Variants in ZMYM1 observed in about 807,000 individuals in gnomAD.
The protein encoded by ZMYM1 is zinc finger MYM-type protein 1.
Under a neutral mutation model 60.0 loss-of-function variants are expected in ZMYM1, and 39 were observed. That is an observed-to-expected ratio of 0.65 (90% confidence interval 0.50 to 0.85). The LOEUF (loss-of-function observed/expected upper bound fraction) is 0.85, where lower values mean the gene tolerates loss of function less well. Among genes scored for constraint, ZMYM1 ranks in the 40% least tolerant of loss-of-function variants. The pLI is 0.00. For missense variants in ZMYM1, 1,171 were observed against 1,309.5 expected, an observed-to-expected ratio of 0.89 and a Z score of 1.63; for synonymous variants, 413 against 454.0, an observed-to-expected ratio of 0.91 and a Z score of 1.15.
chr1:35,062,639 C>T (rs536018740), intron 1 of ZMYM1, among the ~76,000 whole-genome samples: 3 of 152,172 alleles, frequency 2.0e-5, no homozygotes, highest in Admixed American at 1.3e-4. Flanking sequence ...CCATTTAAAG[C>T]CTTAAATTCT....
At chr1:35,091,046 A>G (rs1367607854) in intron 1 of ZMYM1, among the ~76,000 whole-genome samples, 3 of 151,240 alleles carry the variant, frequency 2.0e-5, no homozygotes, top group Non-Finnish European at 4.4e-5. Context: ...GATTTCTGGC[A>G]TGGGAAATTA....
upstream of ZMYM1, among the ~76,000 whole-genome samples, chr1:35,077,461 GAT>G (rs1280039969): frequency 7.4e-4 from 113 of 152,278 alleles, 1 homozygote; most frequent in South Asian, 0.017. Context: ...GCCTTTATAA[GAT>G]TAACAAATTA....
chr1:35,106,506 G>C (rs957577054), intron 6 of ZMYM1, among the ~76,000 whole-genome samples: 2 of 151,782 alleles, frequency 1.3e-5, no homozygotes, highest in African/African-American at 2.4e-5. Flanking sequence ...CTACTTGGGA[G>C]GCTGAGGCAG....
intron 1 of ZMYM1, among the ~76,000 whole-genome samples, chr1:35,073,132 T>G (rs1482470167): frequency 6.7e-6 from 1 of 149,736 alleles, no homozygotes; most frequent in African/African-American, 2.5e-5. Context: ...TGGTGGCACA[T>G]GCCTGTAGTC....
At chr1:35,072,479 A>G (rs1642084192) in intron 1 of ZMYM1, among the ~76,000 whole-genome samples, 1 of 143,980 alleles carries the variant, frequency 6.9e-6, no homozygotes, top group Non-Finnish European at 1.5e-5. Context: ...AAGTTTGTTA[A>G]TTTTTTTTTC....
At chr1:35,064,299 AAAAAAAAAAAAAAAC>A (rs1344661246) in intron 1 of ZMYM1, among the ~76,000 whole-genome samples, 1 of 122,580 alleles carries the variant, frequency 8.2e-6, no homozygotes, top group Admixed American at 7.4e-5. Context: ...TCTCAAAAAA[AAAAAAAAAAAAAAAC>A]AAAAAACACT....
At chr1:35,107,097 C>G (rs561425254) in intron 6 of ZMYM1, among the ~76,000 whole-genome samples, 48 of 150,618 alleles carry the variant, frequency 3.2e-4, no homozygotes, top group African/African-American at 1.2e-3. Flanking sequence ...GTGATCCGCC[C>G]GCCTCGGCCT....
chr1:35,079,113 G>A (rs1642232946), upstream of ZMYM1: 1 of 152,322 alleles, frequency 6.6e-6, no homozygotes, highest in African/African-American at 2.4e-5. Context: ...CTAGCACACA[G>A]CTAATAAGTA....
chr1:35,110,842 G>C (rs2148565918), intron 7 of ZMYM1, among the ~76,000 whole-genome samples: 1 of 152,240 alleles, frequency 6.6e-6, no homozygotes, highest in Non-Finnish European at 1.5e-5. Context: ...GCTGAGACAG[G>C]AGAATCATTT....
chr1:35,085,234 A>G (rs979784441), intron 1 of ZMYM1, among the ~76,000 whole-genome samples: 13 of 151,990 alleles, frequency 8.6e-5, no homozygotes, highest in Non-Finnish European at 1.9e-4. Flanking sequence ...TTTTTAGTAG[A>G]GACAGGGTTT....
intron 1 of ZMYM1, among the ~76,000 whole-genome samples, chr1:35,064,229 C>T (rs1255716440): frequency 4.5e-5 from 6 of 134,822 alleles, no homozygotes; most frequent in Admixed American, 1.7e-4. Flanking sequence ...GAGGCTGAGG[C>T]GGGAGAATTG....
chr1:35,060,828 T>C (rs967046210), intron 1 of ZMYM1, among the ~76,000 whole-genome samples: 9 of 152,170 alleles, frequency 5.9e-5, no homozygotes, highest in African/African-American at 2.2e-4. Flanking sequence ...CCCAGCCCTA[T>C]GCCTGACTGT....
chr1:35,090,231 G>C (rs991447714), intron 1 of ZMYM1, among the ~76,000 whole-genome samples: 2 of 151,924 alleles, frequency 1.3e-5, no homozygotes, highest in African/African-American at 4.8e-5. Flanking sequence ...TAAGGATCTA[G>C]GAGACAGGAA....
chr1:35,060,479 G>A lies in ZMYM1; in HGVS notation c.-301+554G>A, dbSNP rs142991857. Among the ~76,000 whole-genome samples the A allele has an allele frequency of 3.8e-3, 577 of 152,162 alleles. 1 individual carries two copies. Among genetic ancestry groups the A allele is most frequent in the Admixed American group, 6.4e-3 (98 of 15,264 alleles). Reference sequence around the variant, plus strand: ...CCGGCTGGAAAAAATCTATTAACAAGAATAGAGGAGGGATTGATTAACTTG... The same window carrying A: ...CCGGCTGGAAAAAATCTATTAACAAAAATAGAGGAGGGATTGATTAACTTG... On this transcript the variant is annotated intron_variant, in intron 1 of 10. Coordinates refer to the ZMYM1 transcript ENST00000417119.
In ZMYM1 at chr1:35,114,963, A is replaced by G; in HGVS notation, c.3133A>G (p.Ile1045Val). The G allele has an allele frequency of 6.2e-7, 1 of 1,614,102 alleles. No homozygotes were observed. Among genetic ancestry groups the G allele is most frequent in the East Asian group, 2.2e-5 (1 of 44,870 alleles). Residue 1045 changes from isoleucine to valine, a missense_variant, in exon 10 of 10, where the codon ATA becomes GTA. By Grantham distance (29) the Ile-to-Val change is conservative. Transcript: ENST00000359858. ...KLNFVIDDSC[I>V]NFVSLGCLFI... ...TAACTTTGTCATAGATGATAGTTGCATAAACTTCGTCAGTCTCGGCTGTTT... is the reference window on the plus strand; with the variant it reads ...TAACTTTGTCATAGATGATAGTTGCGTAAACTTCGTCAGTCTCGGCTGTTT...
chr1:35,105,972 G>A (rs193139952), intron 6 of ZMYM1, among the ~76,000 whole-genome samples: 65 of 152,252 alleles, frequency 4.3e-4, no homozygotes, highest in African/African-American at 1.4e-3. Context: ...AATGTCACAT[G>A]TGGACAGTCA....
intron 1 of ZMYM1, among the ~76,000 whole-genome samples, chr1:35,067,827 G>T (rs1469182384): frequency 6.6e-6 from 1 of 151,452 alleles, no homozygotes; most frequent in African/African-American, 2.4e-5. Context: ...GTGAGCTGAG[G>T]TTGCACCATT....
chr1:35,097,602 C>T (rs781238953), intron 4 of ZMYM1, 36 bp downstream of exon 4: 8 of 1,607,518 alleles, frequency 5.0e-6, no homozygotes, highest in Non-Finnish European at 6.8e-6. Context: ...TTTTATTTCC[C>T]TACCTTGTTC....
At chr1:35,089,968 G>C (rs1418784174) in intron 1 of ZMYM1, among the ~76,000 whole-genome samples, 1 of 149,794 alleles carries the variant, frequency 6.7e-6, no homozygotes, top group Non-Finnish European at 1.5e-5. Context: ...GTAGTGGCGC[G>C]ATCTCGGCTC....
Sources: gnomAD v4.1 joint callset for allele counts (sites outside exome capture counted in the v4.1 genomes callset) on GRCh38, gnomAD v4.1.1 for gene constraint, MANE v1.5 for transcripts, NCBI Gene and HGNC (gene_info 2026-07-23, HGNC 2026-07-21) for gene names.